FLRT1: variants seen among roughly 807,000 people sequenced by gnomAD.
FLRT1 encodes the protein fibronectin leucine rich transmembrane protein 1.
FLRT1 carries 14 observed loss-of-function variants against 30.9 expected under a neutral mutation model. The ratio of observed to expected loss-of-function variants is 0.45; its 90% CI spans 0.30 to 0.71. FLRT1 has a LOEUF of 0.71. Ranked by LOEUF, FLRT1 falls within the 30% of genes least tolerant of loss-of-function variation. The pLI, the probability that FLRT1 is intolerant of heterozygous loss-of-function variation, is 0.08. For missense variants in FLRT1, 737 were observed against 949.2 expected (o/e 0.78, Z 2.94); for synonymous variants, 368 against 430.4 (o/e 0.85, Z 1.80).
At chr11:64,055,886 C>G (rs1943776460) in intron 1 of FLRT1, among the ~76,000 whole-genome samples, 1 of 152,176 alleles carries the variant, frequency 6.6e-6, no homozygotes. Context: ...CCTTCCAGGG[C>G]TTTTGGCAGG....
At chr11:64,098,814 ACAC>A (rs1944622044) in intron 1 of FLRT1, among the ~76,000 whole-genome samples, 1 of 152,146 alleles carries the variant, frequency 6.6e-6, no homozygotes, top group African/African-American at 2.4e-5. Flanking sequence ...TTCATTTAAA[ACAC>A]CACTTCGCTA....
rs763641756 is a variant in FLRT1 at position 64,117,294 on chromosome 11, G to A, written c.1027G>A (p.Val343Met). 2 of 1,614,154 alleles carry A rather than the reference G, an allele frequency of 1.2e-6. No individual in the cohort carries two copies. Among genetic ancestry groups the A allele is most frequent in the Non-Finnish European group, 1.7e-6 (2 of 1,180,010 alleles). The stretch of plus-strand genomic sequence containing the variant: ...CAACCTCATGTGGCTGCGGGACTGG[G>A]TGAAGGCACGGGCGGCCGTGGTCAA... The part of the protein sequence containing the change: ...GCNLMWLRDW[V>M]KARAAVVNVR... The change falls in exon 3 of 3, where the codon GTG becomes ATG. Residue 343 changes from valine to methionine, a missense_variant. Val to Met is a conservative substitution (Grantham distance 21). Coordinates refer to ENST00000682287, the MANE Select transcript of FLRT1 (RefSeq NM_013280.5).
At chr11:64,072,728 A>C (rs761803900) in intron 1 of FLRT1, among the ~76,000 whole-genome samples, 2 of 152,172 alleles carry the variant, frequency 1.3e-5, no homozygotes, top group East Asian at 1.9e-4. Context: ...GTCTTAAAGC[A>C]CTAGAAATAC....
intron 1 of FLRT1, among the ~76,000 whole-genome samples, chr11:64,099,717 T>C (rs1565231978): frequency 1.4e-5 from 2 of 145,460 alleles, no homozygotes; most frequent in African/African-American, 2.6e-5. Context: ...GATGGAGAGA[T>C]AGATGGAAGG....
chr11:64,074,456 G>A (rs1431580294), intron 1 of FLRT1, among the ~76,000 whole-genome samples: 4 of 152,328 alleles, frequency 2.6e-5, no homozygotes, highest in Non-Finnish European at 4.4e-5. Context: ...AGGAACAGCC[G>A]TGGGAGGGAG....
At chr11:64,086,163 C>T (rs528782236) in intron 1 of FLRT1, among the ~76,000 whole-genome samples, 16 of 152,252 alleles carry the variant, frequency 1.1e-4, no homozygotes, top group Non-Finnish European at 1.8e-4. Flanking sequence ...CAGGGGAAGC[C>T]GGGACTCAAC....
At chr11:64,078,794 G>A (rs921396350) in intron 1 of FLRT1, among the ~76,000 whole-genome samples, 5 of 152,022 alleles carry the variant, frequency 3.3e-5, no homozygotes, top group African/African-American at 1.2e-4. Flanking sequence ...CAGGGGGGGA[G>A]GCCTCTCTGA....
chr11:64,090,833 G>A lies in FLRT1; in HGVS notation c.-1037-12361G>A, dbSNP rs543255029. 6.6e-6 allele frequency among the ~76,000 whole-genome samples: 1 copy of A among 152,130 alleles called. No individual in the cohort carries two copies. The highest frequency in any genetic ancestry group is 2.4e-5 in the African/African-American group (1 of 41,494). ...GCTCTGCAGAAGCAGAGCCCGAGTC[G>A]GGTCCAGCCCTGCACTCCCAGGGAG... On this transcript the variant is annotated intron_variant, in intron 1 of 2. Coordinates refer to ENST00000682287, the MANE Select transcript of FLRT1 (RefSeq NM_013280.5). This position sits in a 1 kb window ranked among gnomAD's most constrained non-coding sequence, Gnocchi z 4.7.
intron 1 of FLRT1, among the ~76,000 whole-genome samples, chr11:64,075,330 A>C (rs574983858): frequency 6.6e-6 from 1 of 152,366 alleles, no homozygotes; most frequent in South Asian, 2.1e-4. Flanking sequence ...TTTAGACAGA[A>C]GTCATCTTTC....
intron 1 of FLRT1, among the ~76,000 whole-genome samples, chr11:64,098,501 C>G (rs370018501): frequency 1.3e-5 from 2 of 152,198 alleles, no homozygotes; most frequent in Non-Finnish European, 2.9e-5. Flanking sequence ...CCAGTGCCCT[C>G]GGGAGAGAGG....
At chr11:64,057,893 A>G (rs1943819879) in intron 1 of FLRT1, among the ~76,000 whole-genome samples, 1 of 152,180 alleles carries the variant, frequency 6.6e-6, no homozygotes. Flanking sequence ...ACAGGATTTG[A>G]ACTCATGTGG....
chr11:64,045,813 A>G (rs1428024363), intron 1 of FLRT1, among the ~76,000 whole-genome samples: 1 of 152,228 alleles, frequency 6.6e-6, no homozygotes, highest in Non-Finnish European at 1.5e-5. Context: ...ACAGGTGGGC[A>G]TGCTGGCTCA....
chr11:64,051,606 G>T (rs928249996), intron 1 of FLRT1, among the ~76,000 whole-genome samples: 15 of 152,216 alleles, frequency 9.9e-5, no homozygotes, highest in Non-Finnish European at 2.2e-4. Context: ...TGCCACCACC[G>T]CCATTCCTGC....
intron 2 of FLRT1, among the ~76,000 whole-genome samples, chr11:64,106,189 T>C (rs1590916472): frequency 6.6e-6 from 1 of 151,970 alleles, no homozygotes; most frequent in Non-Finnish European, 1.5e-5. Context: ...AGACATCGAG[T>C]CTGAGGCCTG....
chr11:64,058,140 C>T (rs1027610810), intron 1 of FLRT1, among the ~76,000 whole-genome samples: 1 of 152,276 alleles, frequency 6.6e-6, no homozygotes, highest in Non-Finnish European at 1.5e-5. Context: ...CCCCCAGCGA[C>T]TGTGTTTCTG....
chr11:64,093,733 T>G (rs7944693), intron 1 of FLRT1, among the ~76,000 whole-genome samples: 45,869 of 152,118 alleles, frequency 0.3, 8,787 homozygotes, highest in Middle Eastern at 0.47. Flanking sequence ...GGCCTCCCGC[T>G]CTGTAGTGTG....
intron 1 of FLRT1, among the ~76,000 whole-genome samples, chr11:64,063,920 C>T (rs1196081334): frequency 6.6e-6 from 1 of 152,228 alleles, no homozygotes. Flanking sequence ...CCCCAGTGAG[C>T]TGCGGAGAGG....
chr11:64,044,616 G>A (rs1943550087), intron 1 of FLRT1, among the ~76,000 whole-genome samples: 1 of 152,164 alleles, frequency 6.6e-6, no homozygotes, highest in Non-Finnish European at 1.5e-5. Flanking sequence ...GAGTGGCAAA[G>A]TCACTTGCCC....
intron 1 of FLRT1, among the ~76,000 whole-genome samples, chr11:64,069,873 G>A (rs773603283): frequency 6.6e-6 from 1 of 152,200 alleles, no homozygotes; most frequent in East Asian, 1.9e-4. Flanking sequence ...AAATAGCCAC[G>A]ATGAGGATTT....
Sources: allele counts gnomAD v4.1 joint callset (sites outside exome capture counted in the v4.1 genomes callset), GRCh38; gene constraint gnomAD v4.1.1; non-coding constraint Gnocchi (gnomAD v3.1); transcripts MANE v1.5; gene names NCBI Gene and HGNC (gene_info 2026-07-23, HGNC 2026-07-21).